KCNT2: variants seen among roughly 807,000 people sequenced by gnomAD.
The protein encoded by KCNT2 is potassium channel subfamily T member 2.
A neutral mutation model predicts 153.8 loss-of-function variants in KCNT2; 67 were observed. The observed-to-expected ratio is 0.44, with a 90% CI of 0.36 to 0.53. The LOEUF (loss-of-function observed/expected upper bound fraction) is 0.53. Among genes scored for constraint, KCNT2 ranks in the 20% least tolerant of loss-of-function variants. The pLI is 0.00. For missense variants in KCNT2, 975 were observed against 1,354.8 expected, an observed-to-expected ratio of 0.72 and a Z score of 4.40; for synonymous variants, 500 against 458.8, an observed-to-expected ratio of 1.09 and a Z score of -1.15.
chr1:196,331,521 C>A (rs1438656434), intron 17 of KCNT2, among the ~76,000 whole-genome samples: 1 of 151,890 alleles, frequency 6.6e-6, no homozygotes, highest in Non-Finnish European at 1.5e-5. Flanking sequence ...TCATGTCATG[C>A]GAAAATTATA....
rs536469332 is a variant in KCNT2, at chr1:196,412,593, G to C, written c.1185+10457C>G. ...AAACATATGACAAGACAATAGAATA[G>C]TGAGTGGTAAATAGAAGCTCTACAA... is the stretch of plus-strand genomic sequence containing the variant. On this transcript the variant is annotated intron_variant, in intron 12 of 27. Transcript: ENST00000294725. Among the ~76,000 whole-genome samples the C allele has an allele frequency of 9.8e-4, 148 of 151,720 alleles. 1 individual carries two copies. The highest frequency in any genetic ancestry group is 3.5e-3 in the African/African-American group (144 of 41,486).
rs578114918 is a variant in KCNT2, at chr1:196,588,259, T to C, written c.95+19956A>G. Among the ~76,000 whole-genome samples, 142 of 93,142 alleles carry C rather than the reference T, an allele frequency of 1.5e-3. 2 individuals are homozygous for C. In the South Asian group the frequency reaches 0.036, roughly 24 times the overall value. The allele number at this position is 93,142 out of a possible 152,430, so 61.1% of individuals were successfully genotyped here. On this transcript the variant is annotated intron_variant, in intron 1 of 27. Transcript: ENST00000294725. ...GATATTCTGTAGCACTGAATGTGAATTAAATAGATGGGAAAAAAAAACAGG... is the reference window on the plus strand; with the variant it reads ...GATATTCTGTAGCACTGAATGTGAACTAAATAGATGGGAAAAAAAAACAGG...
At chr1:196,455,971 T>C (rs781041560) in intron 8 of KCNT2, among the ~76,000 whole-genome samples, 3 of 152,056 alleles carry the variant, frequency 2.0e-5, no homozygotes, top group Non-Finnish European at 2.9e-5. Context: ...CTCCAGCCGA[T>C]GTCCACCTAC....
chr1:196,244,745 C>A (rs1260300619), intron 26 of KCNT2, among the ~76,000 whole-genome samples: 2 of 152,284 alleles, frequency 1.3e-5, no homozygotes, highest in South Asian at 4.1e-4. Flanking sequence ...TGAATGGCAT[C>A]TCTGGACTTG....
chr1:196,321,571 C>G (rs969458768), intron 19 of KCNT2, among the ~76,000 whole-genome samples: 1 of 151,862 alleles, frequency 6.6e-6, no homozygotes, highest in Non-Finnish European at 1.5e-5. Flanking sequence ...AAGCAATGTG[C>G]CAAATCCTTG....
intron 19 of KCNT2, among the ~76,000 whole-genome samples, chr1:196,321,767 A>G (rs895717057): frequency 6.6e-6 from 1 of 151,938 alleles, no homozygotes; most frequent in Non-Finnish European, 1.5e-5. Context: ...AGATAGATTC[A>G]TCTACTACAG....
intron 17 of KCNT2, among the ~76,000 whole-genome samples, chr1:196,332,730 T>C (rs945807933): frequency 3.3e-5 from 5 of 151,956 alleles, no homozygotes; most frequent in Admixed American, 2.6e-4. Flanking sequence ...TAATCACTAA[T>C]AGCTTTCTGA....
At chr1:196,388,710 T>C (rs1670219712) in intron 13 of KCNT2, among the ~76,000 whole-genome samples, 1 of 151,710 alleles carries the variant, frequency 6.6e-6, no homozygotes, top group Non-Finnish European at 1.5e-5. Flanking sequence ...CATAGAAAAA[T>C]AAAATTGATT....
intron 8 of KCNT2, among the ~76,000 whole-genome samples, chr1:196,464,259 G>T (rs1677409398): frequency 6.6e-6 from 1 of 151,854 alleles, no homozygotes; most frequent in East Asian, 1.9e-4. Context: ...TTTGCGAAAG[G>T]TAAAAAGACA....
At chr1:196,323,760 T>C (rs1663565592) in intron 19 of KCNT2, among the ~76,000 whole-genome samples, 3 of 151,916 alleles carry the variant, frequency 2.0e-5, no homozygotes, top group Non-Finnish European at 4.4e-5. Context: ...AGCCACATAC[T>C]GAATACTATT....
intron 25 of KCNT2, among the ~76,000 whole-genome samples, chr1:196,275,714 A>C (rs1252095646): frequency 6.6e-6 from 1 of 151,830 alleles, no homozygotes; most frequent in African/African-American, 2.4e-5. Flanking sequence ...TTTTTTTTCC[A>C]TGAATAAACC....
chr1:196,358,054 C>T (rs1276274999), intron 14 of KCNT2, among the ~76,000 whole-genome samples: 1 of 151,288 alleles, frequency 6.6e-6, no homozygotes, highest in Non-Finnish European at 1.5e-5. Flanking sequence ...TTGAGTCTCT[C>T]CTCTTCTCTT....
At chr1:196,571,724 G>A (rs1660798938) in intron 1 of KCNT2, among the ~76,000 whole-genome samples, 1 of 152,016 alleles carries the variant, frequency 6.6e-6, no homozygotes, top group African/African-American at 2.4e-5. Flanking sequence ...TGTTTCCAGA[G>A]ATCCAGCAGA....
intron 1 of KCNT2, among the ~76,000 whole-genome samples, chr1:196,520,008 G>T (rs1653137457): frequency 6.6e-6 from 1 of 152,084 alleles, no homozygotes; most frequent in South Asian, 2.1e-4. Flanking sequence ...ACAGCAAAAA[G>T]AAAACTTCAG....
intron 22 of KCNT2, among the ~76,000 whole-genome samples, chr1:196,302,379 T>TA (rs1661264990): frequency 6.6e-6 from 1 of 152,150 alleles, no homozygotes; most frequent in African/African-American, 2.4e-5. Flanking sequence ...CATTATTTGA[T>TA]AGGGCTGCCA....
chr1:196,280,023 C>A (rs995143093), intron 25 of KCNT2, among the ~76,000 whole-genome samples: 1 of 151,376 alleles, frequency 6.6e-6, no homozygotes, highest in Non-Finnish European at 1.5e-5. Flanking sequence ...AATGGCTGAC[C>A]AAAATTTCTT....
chr1:196,288,412 T>C (rs1659878525), intron 22 of KCNT2, among the ~76,000 whole-genome samples: 1 of 152,092 alleles, frequency 6.6e-6, no homozygotes, highest in African/African-American at 2.4e-5. Flanking sequence ...TATTTTGAAT[T>C]TCATCTTACA....
intron 1 of KCNT2, among the ~76,000 whole-genome samples, chr1:196,566,319 T>C (rs140777522): frequency 8.5e-5 from 13 of 152,134 alleles, no homozygotes; most frequent in African/African-American, 3.1e-4. Context: ...GTTTGAGTGA[T>C]TACATAGGCA....
chr1:196,269,707 C>T (rs1206706628), intron 25 of KCNT2, among the ~76,000 whole-genome samples: 1 of 152,020 alleles, frequency 6.6e-6, no homozygotes, highest in African/African-American at 2.4e-5. Context: ...TATAAAGACA[C>T]TGAAGAAGAG....
Sources: allele counts gnomAD v4.1 joint callset (sites outside exome capture counted in the v4.1 genomes callset), GRCh38; gene constraint gnomAD v4.1.1; transcripts MANE v1.5; gene names NCBI Gene and HGNC (gene_info 2026-07-23, HGNC 2026-07-21).